Variants in ROR1 observed in about 807,000 individuals in gnomAD.
The protein encoded by ROR1 is inactive tyrosine-protein kinase transmembrane receptor ROR1.
A neutral mutation model predicts 78.8 loss-of-function variants in ROR1; 19 were observed. That is an observed-to-expected ratio of 0.24 (90% confidence interval 0.17 to 0.35). The LOEUF (loss-of-function observed/expected upper bound fraction) is 0.35. Among genes scored for constraint, ROR1 ranks in the 10% least tolerant of loss-of-function variants. ROR1 has a pLI of 1.00. For synonymous variants in ROR1, 386 were observed against 433.6 expected (o/e 0.89, Z 1.36); for missense variants, 917 against 1,177.8 (o/e 0.78, Z 3.24).
chr1:63,921,146 C>T (rs1645651303), intron 1 of ROR1, among the ~76,000 whole-genome samples: 1 of 152,150 alleles, frequency 6.6e-6, no homozygotes, highest in Admixed American at 6.5e-5. Flanking sequence ...CGGTAATCAC[C>T]TCTGAACTGC....
intron 1 of ROR1, among the ~76,000 whole-genome samples, chr1:63,859,073 GT>G (rs1645164946): frequency 6.6e-6 from 1 of 152,210 alleles, no homozygotes; most frequent in African/African-American, 2.4e-5. Flanking sequence ...GCTGACCCAT[GT>G]CATGATGCTC....
chr1:63,942,045 C>T (rs957345644), intron 1 of ROR1, among the ~76,000 whole-genome samples: 2 of 152,196 alleles, frequency 1.3e-5, no homozygotes, highest in African/African-American at 4.8e-5. Context: ...AGTTTATGCT[C>T]TCAGCCAGAG....
At position 63,780,532 on chromosome 1, in the gene ROR1, C is replaced by T. The variant is rs74318227; in HGVS notation, c.91+6024C>T. On this transcript the variant is annotated intron_variant, in intron 1 of 8. Coordinates refer to ENST00000371079, the MANE Select transcript of ROR1 (RefSeq NM_005012.4). ...AGTGAACGTGAAGTATGTTAGCCAC[C>T]ATCATTATCAAGGGCTTACTGAAGA... Among the ~76,000 whole-genome samples the T allele has an allele frequency of 9.5e-3, 1,444 of 152,252 alleles. 24 individuals carry two copies. The highest frequency in any genetic ancestry group is 0.032 in the African/African-American group (1,330 of 41,528).
At chr1:64,013,788 T>C (rs1170021167) in intron 2 of ROR1, among the ~76,000 whole-genome samples, 1 of 152,240 alleles carries the variant, frequency 6.6e-6, no homozygotes, top group Non-Finnish European at 1.5e-5. Context: ...CCTCGGTGTA[T>C]TGAAATTATC....
intron 2 of ROR1, among the ~76,000 whole-genome samples, chr1:64,035,529 C>T (rs1313497173): frequency 6.7e-6 from 1 of 148,520 alleles, no homozygotes; most frequent in African/African-American, 2.4e-5. Flanking sequence ...GTTGATTGGA[C>T]CAGGGAGAGG....
intron 1 of ROR1, among the ~76,000 whole-genome samples, chr1:63,823,026 T>A (rs1369921768): frequency 1.3e-4 from 20 of 149,214 alleles, no homozygotes; most frequent in Non-Finnish European, 2.4e-4. Context: ...TATTGTCATT[T>A]AAAAAAAAAA....
intron 1 of ROR1, among the ~76,000 whole-genome samples, chr1:64,000,561 C>G (rs1302753634): frequency 6.6e-6 from 1 of 152,138 alleles, no homozygotes; most frequent in Admixed American, 6.6e-5. Context: ...GAGATCCTGC[C>G]TCCTTAGTAA....
At chr1:63,982,930 C>T (rs564494998) in intron 1 of ROR1, among the ~76,000 whole-genome samples, 1 of 152,058 alleles carries the variant, frequency 6.6e-6, no homozygotes, top group Non-Finnish European at 1.5e-5. Context: ...GTAGTAATAG[C>T]ACCGACCTTG....
chr1:64,083,219 G>A (rs1020756580), intron 4 of ROR1, among the ~76,000 whole-genome samples: 1 of 152,170 alleles, frequency 6.6e-6, no homozygotes, highest in African/African-American at 2.4e-5. Flanking sequence ...TCTGGGAAGT[G>A]TAGGATCATA....
chr1:63,801,728 G>A (rs949313037), intron 1 of ROR1, among the ~76,000 whole-genome samples: 1 of 152,208 alleles, frequency 6.6e-6, no homozygotes, highest in Middle Eastern at 3.4e-3. Flanking sequence ...AATGAAAAAG[G>A]TTAGTTAAAA....
chr1:64,137,561 T>C (rs1484048207), intron 5 of ROR1, 65 bp downstream of exon 5: 11 of 1,506,920 alleles, frequency 7.3e-6, no homozygotes, highest in Non-Finnish European at 9.1e-6. Context: ...AAAAGTTTTA[T>C]TGAGCTCCTC....
intron 7 of ROR1, among the ~76,000 whole-genome samples, chr1:64,154,868 AGGTGTCC>A (rs1351240830): frequency 1.4e-4 from 21 of 152,318 alleles, no homozygotes; most frequent in African/African-American, 4.1e-4. Context: ...AATGCATTGG[AGGTGTCC>A]ATTACCCTTT....
intron 2 of ROR1, among the ~76,000 whole-genome samples, chr1:64,009,874 G>A (rs1646462269): frequency 6.6e-6 from 1 of 152,078 alleles, no homozygotes; most frequent in African/African-American, 2.4e-5. Flanking sequence ...GGAGATTGTT[G>A]TTTAGCATTA....
At chr1:64,086,163 C>T (rs957795201) in intron 4 of ROR1, among the ~76,000 whole-genome samples, 3 of 152,182 alleles carry the variant, frequency 2.0e-5, no homozygotes, top group African/African-American at 7.2e-5. Context: ...TGGATCAGTT[C>T]CTTTCACACA....
chr1:64,171,038 A>T (rs1280458808), intron 8 of ROR1, among the ~76,000 whole-genome samples: 1 of 151,910 alleles, frequency 6.6e-6, no homozygotes, highest in Non-Finnish European at 1.5e-5. Flanking sequence ...AGCCCTCCAA[A>T]CTGTTCCAAC....
intron 1 of ROR1, among the ~76,000 whole-genome samples, chr1:63,884,988 G>C (rs1190055594): frequency 1.3e-5 from 2 of 152,126 alleles, no homozygotes; most frequent in Admixed American, 6.5e-5. Context: ...CTCTGGGCAA[G>C]TTGCTTTTTG....
rs774974487 is a variant in ROR1 at position 64,049,834 on chromosome 1, C to T, written c.307C>T (p.Arg103Trp). ...KNDAPVVQEP[R>W]RLSFRSTIYG... ...TGATGCTCCTGTGGTCCAGGAGCCC[C>T]GGAGGCTCTCCTTTCGGTCCACCAT... Residue 103 changes from arginine (R) to tryptophan (W), a missense_variant, in exon 3 of 9, where the codon CGG (arginine) becomes TGG (tryptophan). Coordinates refer to ENST00000371079, the MANE Select transcript of ROR1 (RefSeq NM_005012.4). 7 of 1,614,078 alleles carry T rather than the reference C, an allele frequency of 4.3e-6. No homozygotes were observed. Among genetic ancestry groups the T allele is most frequent in the African/African-American group, 1.3e-5 (1 of 74,928 alleles).
At position 64,035,480 on chromosome 1, in the gene ROR1, A is replaced by C. The variant is rs562264188; in HGVS notation, c.164-14211A>C. ...CGACCCATCATGAGGGGCCTTCAGC[A>C]GCCATGTTTGAATTTATAACCCTGT... On this transcript the variant is annotated intron_variant, in intron 2 of 8. Coordinates refer to ENST00000371079, the MANE Select transcript of ROR1 (RefSeq NM_005012.4). Among the ~76,000 whole-genome samples, 122 of 152,272 alleles carry C rather than the reference A, an allele frequency of 8.0e-4. 1 individual carries two copies. The highest frequency in any genetic ancestry group is 2.7e-3 in the African/African-American group (112 of 41,560).
intron 1 of ROR1, among the ~76,000 whole-genome samples, chr1:63,799,281 C>T (rs1274286435): frequency 6.6e-6 from 1 of 152,186 alleles, no homozygotes; most frequent in Non-Finnish European, 1.5e-5. Flanking sequence ...AAAATATCTT[C>T]AATGGCTCCC....
Sources: gnomAD v4.1 joint callset for allele counts (sites outside exome capture counted in the v4.1 genomes callset) on GRCh38, gnomAD v4.1.1 for gene constraint, MANE v1.5 for transcripts, NCBI Gene and HGNC (gene_info 2026-07-23, HGNC 2026-07-21) for gene names.